Variants in CLASP2 observed in about 807,000 individuals in gnomAD.
CLASP2 encodes the protein cytoplasmic linker associated protein 2.
A neutral mutation model predicts 194.4 loss-of-function variants in CLASP2; 47 were observed. The ratio of observed to expected loss-of-function variants is 0.24; its 90% confidence interval spans 0.19 to 0.31. CLASP2 has a LOEUF of 0.31. CLASP2 is among the 10% of genes least tolerant of loss of function. The pLI, the probability that CLASP2 is intolerant of heterozygous loss-of-function variation, is 1.00. For missense variants in CLASP2, 1,445 were observed against 1,823.6 expected (o/e 0.79, Z 3.78); for synonymous variants, 619 against 633.5 (o/e 0.98, Z 0.34).
intron 26 of CLASP2, among the ~76,000 whole-genome samples, chr3:33,569,755 A>T (rs2063403453): frequency 2.0e-5 from 3 of 152,196 alleles, no homozygotes; most frequent in Non-Finnish European, 4.4e-5. Context: ...TATTGTTTTA[A>T]AGTATAAGCA....
intron 16 of CLASP2, among the ~76,000 whole-genome samples, chr3:33,604,598 T>C (rs762283886): frequency 3.3e-5 from 5 of 152,150 alleles, no homozygotes; most frequent in Non-Finnish European, 5.9e-5. Flanking sequence ...TGGAATTATA[T>C]GTGTGAGCCA....
intron 2 of CLASP2, among the ~76,000 whole-genome samples, chr3:33,693,092 A>T (rs2091521884): frequency 6.6e-6 from 1 of 152,106 alleles, no homozygotes; most frequent in Non-Finnish European, 1.5e-5. Flanking sequence ...TTAAATGTAA[A>T]TTGCATATTT....
chr3:33,644,109 C>T (rs906874776), intron 8 of CLASP2, among the ~76,000 whole-genome samples: 1 of 152,002 alleles, frequency 6.6e-6, no homozygotes, highest in Non-Finnish European at 1.5e-5. Context: ...CTAATTAACA[C>T]ATGAAAGAAT....
chr3:33,614,569 C>A (rs150589371), intron 12 of CLASP2, among the ~76,000 whole-genome samples: 2 of 152,302 alleles, frequency 1.3e-5, no homozygotes, highest in African/African-American at 4.8e-5. Flanking sequence ...GACTGTCTTA[C>A]AAAACTTCCT....
intron 20 of CLASP2, among the ~76,000 whole-genome samples, chr3:33,594,616 AACAC>A (rs908451652): frequency 2.6e-5 from 4 of 151,922 alleles, no homozygotes; most frequent in African/African-American, 7.2e-5. Context: ...AAAAAACAAA[AACAC>A]AAACATGTAA....
At chr3:33,630,933 A>G (rs1240269355) in intron 9 of CLASP2, among the ~76,000 whole-genome samples, 6 of 152,212 alleles carry the variant, frequency 3.9e-5, no homozygotes, top group Non-Finnish European at 7.3e-5. Context: ...GGAGGAAGGG[A>G]TATGTTTTCC....
intron 32 of CLASP2, among the ~76,000 whole-genome samples, chr3:33,541,915 C>T (rs1179109039): frequency 6.6e-6 from 1 of 152,230 alleles, no homozygotes; most frequent in African/African-American, 2.4e-5. Context: ...AATTGCCACA[C>T]TATCTTCCAC....
intron 34 of CLASP2, among the ~76,000 whole-genome samples, chr3:33,531,793 A>G (rs1463931812): frequency 1.3e-5 from 2 of 152,106 alleles, no homozygotes; most frequent in Non-Finnish European, 2.9e-5. Context: ...AAACAAAAAC[A>G]AAAACAAAAC....
chr3:33,599,070 AATC>A (rs964628136), intron 18 of CLASP2, among the ~76,000 whole-genome samples: 6 of 152,094 alleles, frequency 3.9e-5, no homozygotes, highest in Admixed American at 6.5e-5. Context: ...AATCGAATCT[AATC>A]ATCATCACTC....
intron 1 of CLASP2, among the ~76,000 whole-genome samples, chr3:33,713,911 A>T (rs2093161815): frequency 6.6e-6 from 1 of 152,204 alleles, no homozygotes; most frequent in African/African-American, 2.4e-5. Context: ...ACAAAAGTAA[A>T]AGTAGAGCTG....
intron 19 of CLASP2, 196 bp downstream of exon 19, chr3:33,596,515 G>T: frequency 1.8e-6 from 1 of 541,170 alleles, no homozygotes; most frequent in African/African-American, 1.9e-5. Context: ...GAGCAGACTG[G>T]GATATGGTAT....
chr3:33,656,440 G>T (rs1209108974), intron 7 of CLASP2, among the ~76,000 whole-genome samples: 1 of 152,086 alleles, frequency 6.6e-6, no homozygotes, highest in East Asian at 1.9e-4. Context: ...GTTTATAAAG[G>T]GTGAGATATT....
At chr3:33,643,570 A>G (rs1251121519) in intron 8 of CLASP2, among the ~76,000 whole-genome samples, 2 of 152,126 alleles carry the variant, frequency 1.3e-5, no homozygotes, top group East Asian at 3.9e-4. Flanking sequence ...CAGAGAAATC[A>G]GCAAGACATT....
At chr3:33,607,285 C>T in intron 15 of CLASP2, 99 bp downstream of exon 15, 1 of 751,912 alleles carries the variant, frequency 1.3e-6, no homozygotes, top group South Asian at 2.4e-5. Flanking sequence ...GAGGGCTAGT[C>T]AAGTAAAATA....
At position 33,548,262 on chromosome 3, in the gene CLASP2, A is replaced by T. The variant is rs187164090; in HGVS notation, c.3153+2990T>A. 9.9e-4 allele frequency among the ~76,000 whole-genome samples: 150 copies of T among 152,190 alleles called. 1 individual carries two copies. Among genetic ancestry groups the T allele is most frequent in the East Asian group, 7.3e-3 (38 of 5,188 alleles). On this transcript the variant is annotated intron_variant, in intron 30 of 38. Coordinates refer to ENST00000682230, the MANE Select transcript of CLASP2 (RefSeq NM_001365631.1). ...TTAAATCAAATACTTACAGATTTTTAAAAAAAGTTTTAGAAAATGTTTTAT... is the reference window on the plus strand; with the variant it reads ...TTAAATCAAATACTTACAGATTTTTTAAAAAAGTTTTAGAAAATGTTTTAT...
At chr3:33,630,097 A>G (rs950528229) in intron 9 of CLASP2, among the ~76,000 whole-genome samples, 1 of 152,204 alleles carries the variant, frequency 6.6e-6, no homozygotes, top group Non-Finnish European at 1.5e-5. Flanking sequence ...TCAAAATCCA[A>G]TGTGTGACTA....
chr3:33,581,747 A>T, intron 23 of CLASP2, 74 bp downstream of exon 23: 2 of 972,482 alleles, frequency 2.1e-6, no homozygotes, highest in Non-Finnish European at 3.2e-6. Context: ...GCTAAATCCC[A>T]GGTATGCTGA....
intron 36 of CLASP2, among the ~76,000 whole-genome samples, chr3:33,515,022 G>C (rs2050899529): frequency 6.6e-6 from 1 of 152,158 alleles, no homozygotes; most frequent in Non-Finnish European, 1.5e-5. Flanking sequence ...GCTAGGCTAT[G>C]AGGGTGCAAA....
In CLASP2 at chr3:33,718,158, C is replaced by T; in HGVS notation, c.-156G>A. ...GCGCAGCGGGCGGCGGGAGGAACGC[C>T]AAGCGCCCAGCCGCCCCCAAACTAG... On this transcript the variant is annotated 5_prime_UTR_variant, in exon 1 of 39. Coordinates refer to ENST00000682230, the MANE Select transcript of CLASP2 (RefSeq NM_001365631.1). 2 of 654,006 alleles carry T rather than the reference C, an allele frequency of 3.1e-6. No homozygotes were observed. Among genetic ancestry groups the T allele is most frequent in the South Asian group, 6.1e-5 (2 of 32,992 alleles). 40.5% of individuals were successfully genotyped at this position (654,006 alleles called of 1,614,324 possible).
Sources: allele counts gnomAD v4.1 joint callset (sites outside exome capture counted in the v4.1 genomes callset), GRCh38; gene constraint gnomAD v4.1.1; transcripts MANE v1.5; gene names NCBI Gene and HGNC (gene_info 2026-07-23, HGNC 2026-07-21).